The following TMEM135 variants were observed in gnomAD, a reference collection of about 807,000 sequenced individuals.
The protein encoded by TMEM135 is peroxisomal membrane protein 52.
TMEM135 carries 30 observed loss-of-function variants against 60.3 expected under a neutral mutation model. The ratio of observed to expected loss-of-function variants is 0.50; its 90% CI spans 0.37 to 0.68. The LOEUF (loss-of-function observed/expected upper bound fraction) is 0.68, where lower values mean the gene tolerates loss of function less well. TMEM135 is among the 30% of genes least tolerant of loss of function. The pLI is 0.00. For synonymous variants in TMEM135, 190 were observed against 186.7 expected (o/e 1.02, Z -0.14); for missense variants, 468 against 548.8 (o/e 0.85, Z 1.47).
intron 6 of TMEM135, among the ~76,000 whole-genome samples, chr11:87,242,628 CTT>C (rs1199794989): frequency 7.5e-6 from 1 of 133,998 alleles, no homozygotes; most frequent in Non-Finnish European, 1.7e-5. Flanking sequence ...TTTCATGGGT[CTT>C]TTGGCTGCAT....
chr11:87,224,418 A>G (rs1940721424), intron 5 of TMEM135, among the ~76,000 whole-genome samples: 1 of 152,190 alleles, frequency 6.6e-6, no homozygotes, highest in African/African-American at 2.4e-5. Context: ...CAGAAATCTG[A>G]ATTGCCATAT....
intron 5 of TMEM135, among the ~76,000 whole-genome samples, chr11:87,161,235 G>A (rs1938870051): frequency 6.6e-6 from 1 of 151,926 alleles, no homozygotes; most frequent in South Asian, 2.1e-4. Context: ...CTATTTGAGG[G>A]GCTAACTTTT....
rs185275662 is a variant in TMEM135 at position 87,320,441 on chromosome 11, G to A, written c.1245-760G>A. On this transcript the variant is annotated intron_variant, in intron 14 of 14. Transcript: ENST00000305494. ...TTTACTAATTGATTATTTTGGAAGG[G>A]AACTTACTTTGGAAAAGTACTGAAA... Among the ~76,000 whole-genome samples, 543 of 152,186 alleles carry A rather than the reference G, an allele frequency of 3.6e-3. 2 individuals carry two copies. The highest frequency in any genetic ancestry group is 0.011 in the South Asian group (51 of 4,822).
chr11:87,314,417 A>C (rs1942690510), intron 11 of TMEM135, 54 bp from the exon 12 acceptor site: 3 of 1,453,942 alleles, frequency 2.1e-6, no homozygotes, highest in Non-Finnish European at 2.9e-6. Flanking sequence ...TGATGACATA[A>C]TAACAAATAA....
At chr11:87,143,624 C>A (rs1447641381) in intron 4 of TMEM135, among the ~76,000 whole-genome samples, 6 of 152,056 alleles carry the variant, frequency 3.9e-5, no homozygotes, top group African/African-American at 1.4e-4. Flanking sequence ...AGGTGTAGAA[C>A]CCTTTCTAGT....
chr11:87,058,346 T>TA (rs200810002), intron 1 of TMEM135, among the ~76,000 whole-genome samples: 83 of 149,664 alleles, frequency 5.5e-4, no homozygotes, highest in African/African-American at 1.3e-3. Flanking sequence ...TTATTATTAT[T>TA]TTTTTGACAG....
At chr11:87,204,338 A>C (rs373672633) in intron 5 of TMEM135, among the ~76,000 whole-genome samples, 31 of 151,796 alleles carry the variant, frequency 2.0e-4, no homozygotes, top group African/African-American at 6.8e-4. Context: ...TTTTTTTCTT[A>C]TCTATTCTGT....
At chr11:87,095,496 A>C (rs1431910405) in intron 4 of TMEM135, 4 of 196,276 alleles carry the variant, frequency 2.0e-5, no homozygotes, top group Non-Finnish European at 4.4e-5. Context: ...CTCACTATAC[A>C]TGATGGGTTT....
chr11:87,067,666 T>G, intron 1 of TMEM135, 28 bp from the exon 2 acceptor site: 1 of 1,612,646 alleles, frequency 6.2e-7, no homozygotes, highest in Non-Finnish European at 8.5e-7. Context: ...GTTGGTTGGA[T>G]TAAACAAAAA....
At chr11:87,272,275 C>G (rs1321212714) in intron 6 of TMEM135, among the ~76,000 whole-genome samples, 1 of 151,766 alleles carries the variant, frequency 6.6e-6, no homozygotes, top group East Asian at 1.9e-4. Context: ...AGACTGGTCT[C>G]AAACTCCTGA....
intron 5 of TMEM135, among the ~76,000 whole-genome samples, chr11:87,189,675 T>G (rs895322870): frequency 6.6e-6 from 1 of 151,544 alleles, no homozygotes; most frequent in Non-Finnish European, 1.5e-5. Flanking sequence ...TCCTAGCACT[T>G]TGGGAGACCA....
chr11:87,190,579 CT>C (rs1169393016), intron 5 of TMEM135, among the ~76,000 whole-genome samples: 1 of 151,772 alleles, frequency 6.6e-6, no homozygotes, highest in African/African-American at 2.4e-5. Flanking sequence ...AAAAAAAAAA[CT>C]TTAAAGTGCT....
intron 5 of TMEM135, among the ~76,000 whole-genome samples, chr11:87,184,525 A>T (rs1469512154): frequency 6.6e-6 from 1 of 152,216 alleles, no homozygotes. Flanking sequence ...TGCTTAGCTC[A>T]TATAGTAAAT....
In TMEM135 at chr11:87,244,937, G is replaced by A. The variant is rs1016715569; in HGVS notation, c.509+8253G>A. 4.6e-5 allele frequency among the ~76,000 whole-genome samples: 7 copies of A among 151,474 alleles called. 1 individual carries two copies. The South Asian group carries it at 1.1e-3, about 23-fold the overall frequency. ...TTGCTTTTCTAGTTCTTTTAATTGC[G>A]ATGTTCGGGTGTCAATTTTGGATCT... On this transcript the variant is annotated intron_variant, in intron 6 of 14. Transcript: ENST00000305494.
At chr11:87,295,462 A>T (rs1479022563) in intron 6 of TMEM135, among the ~76,000 whole-genome samples, 1 of 152,126 alleles carries the variant, frequency 6.6e-6, no homozygotes, top group Non-Finnish European at 1.5e-5. Flanking sequence ...TCCCCTAGGG[A>T]TTTGTAGAGA....
intron 5 of TMEM135, among the ~76,000 whole-genome samples, chr11:87,228,761 G>T (rs180903411): frequency 3.9e-5 from 6 of 152,310 alleles, no homozygotes; most frequent in African/African-American, 1.4e-4. Flanking sequence ...TTCTCTAGTA[G>T]AATTTAAAAT....
chr11:87,232,685 A>G (rs375871101), intron 5 of TMEM135, among the ~76,000 whole-genome samples: 2 of 152,314 alleles, frequency 1.3e-5, no homozygotes, highest in Non-Finnish European at 1.5e-5. Flanking sequence ...ATGGATGACA[A>G]TAATAGCACA....
At chr11:87,282,827 A>G (rs1942086094) in intron 6 of TMEM135, among the ~76,000 whole-genome samples, 1 of 152,160 alleles carries the variant, frequency 6.6e-6, no homozygotes, top group South Asian at 2.1e-4. Flanking sequence ...TATATAATAT[A>G]ATTCTCTCAT....
intron 4 of TMEM135, among the ~76,000 whole-genome samples, chr11:87,129,613 T>C (rs895026793): frequency 2.7e-5 from 4 of 149,308 alleles, no homozygotes; most frequent in South Asian, 4.2e-4. Flanking sequence ...CAATCTGGGC[T>C]CACTGCAACC....
Sources: allele counts gnomAD v4.1 joint callset (sites outside exome capture counted in the v4.1 genomes callset), GRCh38; gene constraint gnomAD v4.1.1; transcripts MANE v1.5; gene names NCBI Gene and HGNC (gene_info 2026-07-23, HGNC 2026-07-21).